Variants in ANKS3 observed in about 807,000 individuals in gnomAD.
The protein encoded by ANKS3 is ankyrin repeat and sterile alpha motif domain containing 3.
Under a neutral mutation model 80.7 loss-of-function variants are expected in ANKS3, and 62 were observed. That is an observed-to-expected ratio of 0.77 (90% CI 0.63 to 0.95). The LOEUF (loss-of-function observed/expected upper bound fraction) is 0.95. Among genes scored for constraint, ANKS3 ranks in the 40% least tolerant of loss-of-function variants. The probability of loss-of-function intolerance (pLI) is 0.00; values close to 1 mark genes in which losing one functional copy is unlikely to be tolerated. For synonymous variants in ANKS3, 489 were observed against 355.3 expected (o/e 1.38, Z -4.23); for missense variants, 1,150 against 883.6 (o/e 1.30, Z -3.82).
intron 6 of ANKS3, among the ~76,000 whole-genome samples, chr16:4,721,361 C>G (rs1028591939): frequency 1.3e-5 from 2 of 150,610 alleles, no homozygotes; most frequent in Admixed American, 1.3e-4. Context: ...GTAATCCCAG[C>G]ACTTTGGGAG....
chr16:4,732,962 G>A (rs1168450834), intron 1 of ANKS3, among the ~76,000 whole-genome samples: 1 of 151,968 alleles, frequency 6.6e-6, no homozygotes, highest in South Asian at 2.1e-4. Flanking sequence ...AGTGAAATAA[G>A]CCAGGCACAG....
At chr16:4,729,753 A>G (rs1380714595) in intron 3 of ANKS3, 7 of 376,292 alleles carry the variant, frequency 1.9e-5, no homozygotes, top group Non-Finnish European at 3.3e-5. Flanking sequence ...ATGACTGTTT[A>G]TAAGCTTCTG....
At chr16:4,697,218 C>A in intron 16 of ANKS3, 114 bp from the exon 17 acceptor site, 1 of 1,550,908 alleles carries the variant, frequency 6.4e-7, no homozygotes, top group South Asian at 1.1e-5. Context: ...ATGGCCCCAG[C>A]CCCGAGGTCA....
rs147962461 is a variant in ANKS3, at chr16:4,698,815, G to A, written c.1536C>T (p.Ala512=). ...DRLEAEMQEL[A]IQLHKRCEEV... The stretch of plus-strand genomic sequence containing the variant: ...AGCCACTCACCTTGTGCAGCTGGAT[G>A]GCGAGCTCCTGCATCTCAGCCTCCA... Residue 512 remains alanine (A), a synonymous_variant, in exon 13 of 18, where the codon GCC becomes GCT. Transcript: ENST00000304283. The A allele has an allele frequency of 3.6e-5, 58 of 1,606,708 alleles. No individual in the cohort carries two copies. In the African/African-American group the frequency reaches 7.1e-4, roughly 20 times the overall value.
intron 7 of ANKS3, among the ~76,000 whole-genome samples, chr16:4,710,834 C>T (rs919691038): frequency 2.0e-5 from 3 of 152,208 alleles, no homozygotes; most frequent in African/African-American, 7.2e-5. Flanking sequence ...GAGTCTCGCT[C>T]TGTCGCCAAG....
chr16:4,730,144 G>C lies in ANKS3; in HGVS notation c.6C>G (p.Ser2=), dbSNP rs145030609. 9.8e-5 allele frequency: 152 copies of C among 1,552,792 alleles called. 1 individual carries two copies. The African/African-American group carries it at 1.2e-3, about 12-fold the overall frequency. Residue 2 remains serine (S), a synonymous_variant, in exon 3 of 18, where the codon TCC becomes TCG. Coordinates refer to ENST00000304283, the MANE Select transcript of ANKS3 (RefSeq NM_133450.4). M[S]ELSDEASEPE... ...GCTCGCTGGCTTCATCGCTGAGCTCGGACATCACTGAGGAGGAAGGCCCAA... is the reference window on the plus strand; with the variant it reads ...GCTCGCTGGCTTCATCGCTGAGCTCCGACATCACTGAGGAGGAAGGCCCAA...
In ANKS3 at chr16:4,698,004, T is replaced by C. The variant is rs1387113183; in HGVS notation, c.1783A>G (p.Thr595Ala). 3 of 1,604,762 alleles carry C rather than the reference T, an allele frequency of 1.9e-6. No individual in the cohort carries two copies. Among genetic ancestry groups the C allele is most frequent in the Non-Finnish European group, 2.6e-6 (3 of 1,176,436 alleles). The change falls in exon 15 of 18, where the codon ACT becomes GCT. Residue 595 changes from threonine to alanine, a missense_variant. Transcript: ENST00000304283. The part of the protein sequence containing the change: ...VRQDQPPGAA[T>A]LGLAVPPADS... ...GCTGGGGGGACGGCTAGGCCCAGAG[T>C]GGCTGCACCAGGGGGCTGGTCCTGC... is the stretch of plus-strand genomic sequence containing the variant.
chr16:4,697,572 A>G (rs1400426419), intron 15 of ANKS3, among the ~76,000 whole-genome samples, 156 bp from the exon 16 acceptor site: 2 of 152,194 alleles, frequency 1.3e-5, no homozygotes, highest in African/African-American at 2.4e-5. Context: ...CGAGGCAGGG[A>G]AGCCCTGTTG....
At chr16:4,703,852 G>A (rs1169953165) in intron 8 of ANKS3, among the ~76,000 whole-genome samples, 1 of 149,394 alleles carries the variant, frequency 6.7e-6, no homozygotes, top group East Asian at 2.0e-4. Context: ...TACATACAAA[G>A]AACCGCACAC....
In ANKS3 at chr16:4,727,119, A is replaced by T. The variant is rs894641819; in HGVS notation, c.229T>A (p.Ser77Thr). The change falls in exon 4 of 18, where the codon TCC (serine) becomes ACC (threonine). Residue 77 changes from serine to threonine, a missense_variant. By Grantham distance (58) the Ser-to-Thr change is moderately conservative. Coordinates refer to ENST00000304283, the MANE Select transcript of ANKS3 (RefSeq NM_133450.4). ...ACGATTGTGTCGTGGCCAATGTAGG[A>T]GGCATACATCAGCGGGGTCCAGCCA... ...GGGWTPLMYA[S>T]YIGHDTIVHL... The T allele has an allele frequency of 6.2e-7, 1 of 1,614,234 alleles. No homozygotes were observed. Among genetic ancestry groups the T allele is most frequent in the Non-Finnish European group, 8.5e-7 (1 of 1,180,048 alleles).
intron 13 of ANKS3, 95 bp downstream of exon 13, chr16:4,698,705 C>T: frequency 1.3e-6 from 2 of 1,539,114 alleles, no homozygotes; most frequent in Non-Finnish European, 1.7e-6. Context: ...ACTGCATCCA[C>T]CTGACCCCTC....
chr16:4,716,710 T>A (rs35584831), intron 6 of ANKS3, among the ~76,000 whole-genome samples: 23,730 of 150,288 alleles, frequency 0.16, 2,229 homozygotes, highest in East Asian at 0.28. Flanking sequence ...AGGTCATGAG[T>A]TCGAGACCAG....
At chr16:4,712,743 C>G (rs2080563538) in intron 7 of ANKS3, among the ~76,000 whole-genome samples, 1 of 152,084 alleles carries the variant, frequency 6.6e-6, no homozygotes, top group Admixed American at 6.6e-5. Context: ...AAGATCAGGA[C>G]CAAGGTAAGG....
At position 4,730,118 on chromosome 16, in the gene ANKS3, G is replaced by A. The variant is rs764575700; in HGVS notation, c.32C>T (p.Pro11Leu). 29 of 1,585,992 alleles carry A rather than the reference G, an allele frequency of 1.8e-5. No homozygotes were observed. Among genetic ancestry groups the A allele is most frequent in the Admixed American group, 1.6e-4 (9 of 57,878 alleles). Residue 11 changes from proline to leucine, a missense_variant, in exon 3 of 18, where the codon CCG (proline) becomes CTG (leucine). Pro to Leu is a moderately conservative substitution (Grantham distance 98). Transcript: ENST00000304283. ...GGACAAGCTGCGGTTCAGGAGTTCC[G>A]GCTCGCTGGCTTCATCGCTGAGCTC... The part of the protein sequence containing the change: MSELSDEASE[P>L]ELLNRSLSMW...
Position 4,698,778 on chromosome 16 carries a change from C to A in ANKS3, c.1551+22G>T, listed in dbSNP as rs8050085. On this transcript the variant is annotated intron_variant, in intron 13 of 17. Transcript: ENST00000304283. Reference sequence around the variant, plus strand: ...ACTCACGGGTGTCACCCTGCCCCCCCATCCCCCACCCAGCCACTCACCTTG... The same window carrying A: ...ACTCACGGGTGTCACCCTGCCCCCCAATCCCCCACCCAGCCACTCACCTTG... 123 of 1,585,644 alleles carry A rather than the reference C, an allele frequency of 7.8e-5. No homozygotes were observed. In the African/African-American group the frequency reaches 1.5e-3, roughly 19 times the overall value.
intron 9 of ANKS3, chr16:4,701,880 A>G (rs941072075): frequency 3.6e-6 from 2 of 553,060 alleles, no homozygotes; most frequent in Admixed American, 3.6e-5. Flanking sequence ...GCAAGGAGCT[A>G]AACCTGTTGC....
chr16:4,697,051 C>T lies in ANKS3; in HGVS notation c.1948G>A (p.Gly650Arg), dbSNP rs138220870. 2.5e-5 allele frequency: 40 copies of T among 1,613,778 alleles called. No homozygotes were observed. The highest frequency in any genetic ancestry group is 2.0e-4 in the South Asian group (18 of 91,072). ...QSLEKLQVLN[G>R]KKWRET Reference sequence around the variant, plus strand: ...GGCTAGGTCTCCCGCCACTTCTTCCCGTTCAGCACCTGCAGCTTCTCCAGG... The same window carrying T: ...GGCTAGGTCTCCCGCCACTTCTTCCTGTTCAGCACCTGCAGCTTCTCCAGG... The change falls in exon 17 of 18, where the codon GGG (glycine) becomes AGG (arginine). Residue 650 changes from glycine to arginine, a missense_variant. By Grantham distance (125) the Gly-to-Arg change is moderately radical (BLOSUM62 -2). Coordinates refer to ENST00000304283, the MANE Select transcript of ANKS3 (RefSeq NM_133450.4).
chr16:4,706,583 A>G (rs2080209519), intron 7 of ANKS3, among the ~76,000 whole-genome samples: 1 of 152,244 alleles, frequency 6.6e-6, no homozygotes, highest in Admixed American at 6.5e-5. Flanking sequence ...CTATGATTAT[A>G]AACTGTTTCA....
At chr16:4,706,113 T>C (rs2080174425) in intron 7 of ANKS3, among the ~76,000 whole-genome samples, 1 of 152,000 alleles carries the variant, frequency 6.6e-6, no homozygotes, top group African/African-American at 2.4e-5. Flanking sequence ...AGGCTGGTCT[T>C]GAACTCCTGA....
Sources: gnomAD v4.1 joint callset for allele counts (sites outside exome capture counted in the v4.1 genomes callset) on GRCh38, gnomAD v4.1.1 for gene constraint, MANE v1.5 for transcripts, NCBI Gene and HGNC (gene_info 2026-07-23, HGNC 2026-07-21) for gene names.